BCAS3: variants seen among roughly 807,000 people sequenced by gnomAD.
BCAS3 encodes the protein BCAS3 microtubule associated cell migration factor, also known as BCAS4/BCAS3 fusion.
In BCAS3, 53 loss-of-function variants were observed where a neutral mutation model predicts 116.1. The observed-to-expected ratio is 0.46, with a 90% confidence interval of 0.37 to 0.57. The LOEUF (loss-of-function observed/expected upper bound fraction) is 0.57, where lower values mean the gene tolerates loss of function less well. Among genes scored for constraint, BCAS3 ranks in the 20% least tolerant of loss-of-function variants. BCAS3 has a pLI of 0.00. For synonymous variants in BCAS3, 391 were observed against 408.2 expected (o/e 0.96, Z 0.51); for missense variants, 917 against 1,165.4 (o/e 0.79, Z 3.10).
rs1341415363 is a variant in BCAS3 at position 61,258,776 on chromosome 17, C to T, written c.2426-109551C>T. 2.0e-5 allele frequency among the ~76,000 whole-genome samples: 3 copies of T among 152,254 alleles called. No homozygotes were observed. The highest frequency in any genetic ancestry group is 4.4e-5 in the Non-Finnish European group (3 of 68,030). Reference sequence around the variant, plus strand: ...AGTTGATTTGGGAAGCCAGGCATCACTCTGTGGAAGAACCACAGAACACTA... The same window carrying T: ...AGTTGATTTGGGAAGCCAGGCATCATTCTGTGGAAGAACCACAGAACACTA... On this transcript the variant is annotated intron_variant, in intron 22 of 23. Transcript: ENST00000407086. The surrounding 1 kb of genome is among the most constrained non-coding windows in gnomAD (Gnocchi z 4.7).
intron 22 of BCAS3, among the ~76,000 whole-genome samples, chr17:61,176,428 TA>T (rs1358320681): frequency 6.6e-6 from 1 of 150,990 alleles, no homozygotes; most frequent in Non-Finnish European, 1.5e-5. Context: ...TTCCTGATAG[TA>T]AAAGAAAAAA....
At chr17:60,991,271 T>G (rs1471717322) in intron 15 of BCAS3, among the ~76,000 whole-genome samples, 2 of 152,248 alleles carry the variant, frequency 1.3e-5, no homozygotes, top group African/African-American at 4.8e-5. Flanking sequence ...GTTATGTTGT[T>G]GCAGGTAGGT....
chr17:61,247,199 G>T (rs75801231), intron 22 of BCAS3, among the ~76,000 whole-genome samples: 2,428 of 152,162 alleles, frequency 0.016, 68 homozygotes, highest in African/African-American at 0.055. Flanking sequence ...ATGCAAATTT[G>T]ATAAAGATGA....
At chr17:61,114,698 A>C (rs1457007600) in intron 22 of BCAS3, among the ~76,000 whole-genome samples, 45 of 152,232 alleles carry the variant, frequency 3.0e-4, no homozygotes, top group East Asian at 2.1e-3. Context: ...CTATCCCCAT[A>C]AAGCTACCAA....
At chr17:61,067,738 A>ATATAT (rs1271397665) in intron 19 of BCAS3, among the ~76,000 whole-genome samples, 1,443 of 138,354 alleles carry the variant, frequency 0.01, 16 homozygotes, top group African/African-American at 0.042. Flanking sequence ...AAAAAAAAAA[A>ATATAT]AAATATATAT....
At chr17:61,176,085 G>C (rs2079113088) in intron 22 of BCAS3, among the ~76,000 whole-genome samples, 1 of 138,550 alleles carries the variant, frequency 7.2e-6, no homozygotes, top group Admixed American at 7.9e-5. Context: ...GCTGCAGTGA[G>C]CCATGATTGT....
chr17:60,741,279 G>A (rs1261680113), intron 5 of BCAS3, among the ~76,000 whole-genome samples: 19 of 152,298 alleles, frequency 1.2e-4, no homozygotes, highest in Non-Finnish European at 1.2e-4. Context: ...CTTCTGAGCT[G>A]CATGTGTTGG....
intron 16 of BCAS3, among the ~76,000 whole-genome samples, chr17:61,030,236 G>A (rs961215846): frequency 6.6e-6 from 1 of 151,940 alleles, no homozygotes; most frequent in African/African-American, 2.4e-5. Context: ...TCATGTTAGC[G>A]CCTTCCATGC....
chr17:61,166,745 A>G (rs1181490387), intron 22 of BCAS3, among the ~76,000 whole-genome samples: 1 of 151,894 alleles, frequency 6.6e-6, no homozygotes, highest in Non-Finnish European at 1.5e-5. Context: ...ACATCATCTC[A>G]CTCCGTCGCA....
At chr17:61,003,368 T>G (rs910295574) in intron 15 of BCAS3, among the ~76,000 whole-genome samples, 16 of 149,602 alleles carry the variant, frequency 1.1e-4, no homozygotes, top group African/African-American at 3.5e-4. Context: ...GCTCCTTTTA[T>G]TATGCCCTCC....
chr17:60,678,530 A>C (rs190700808), intron 1 of BCAS3, among the ~76,000 whole-genome samples: 1 of 152,152 alleles, frequency 6.6e-6, no homozygotes, highest in South Asian at 2.1e-4. Flanking sequence ...AGGGTCATGA[A>C]ACATTCTAGG....
chr17:60,710,519 C>T (rs2037742148), intron 5 of BCAS3, among the ~76,000 whole-genome samples: 1 of 151,040 alleles, frequency 6.6e-6, no homozygotes, highest in Non-Finnish European at 1.5e-5. Context: ...GCAAGCTCTG[C>T]CTCCCGGGTT....
At chr17:61,066,814 T>C (rs1390662848) in intron 19 of BCAS3, among the ~76,000 whole-genome samples, 5 of 152,130 alleles carry the variant, frequency 3.3e-5, no homozygotes. Flanking sequence ...CTAGGAATGG[T>C]AATAACTCAT....
At chr17:60,728,057 C>T (rs1387158517) in intron 5 of BCAS3, among the ~76,000 whole-genome samples, 1 of 152,140 alleles carries the variant, frequency 6.6e-6, no homozygotes, top group Non-Finnish European at 1.5e-5. Flanking sequence ...GATCTGCCCA[C>T]CTCGGCCTCC....
rs1383177608 is a variant in BCAS3 at position 60,902,627 on chromosome 17, G to A, written c.746G>A (p.Arg249Gln). 5 of 1,608,204 alleles carry A rather than the reference G, an allele frequency of 3.1e-6. No homozygotes were observed. The highest frequency in any genetic ancestry group is 1.7e-4 in the Middle Eastern group (1 of 6,058). The stretch of plus-strand genomic sequence containing the variant: ...TCTCTCTCTTTTTCTCAGTTGATTC[G>A]ATGTCATCAGTCCCGTGGTGGAGCC... The part of the protein sequence containing the change: ...WLAYAENKLI[R>Q]CHQSRGGACG... Residue 249 changes from arginine to glutamine, a missense_variant, in exon 11 of 24, where the codon CGA becomes CAA. Coordinates refer to ENST00000407086, the MANE Select transcript of BCAS3 (RefSeq NM_017679.5).
At chr17:60,900,412 T>G (rs1264867102) in intron 10 of BCAS3, among the ~76,000 whole-genome samples, 1 of 151,980 alleles carries the variant, frequency 6.6e-6, no homozygotes, top group Non-Finnish European at 1.5e-5. Context: ...TGTGGGCCGC[T>G]GGAATTCTCT....
rs939055435 is a variant in BCAS3, at chr17:60,868,764, A to G, written c.584+81A>G. The G allele has an allele frequency of 9.7e-6, 7 of 725,310 alleles. No individual in the cohort carries two copies. In the South Asian group the frequency reaches 1.6e-4, roughly 17 times the overall value. The allele number at this position is 725,310 out of a possible 1,614,324, so 44.9% of individuals were successfully genotyped here. ...ATGGAGAACTCTACCAGTTTCAATG[A>G]CTAACTTAGATTTATTTTTAAAAAT... On this transcript the variant is annotated intron_variant, in intron 8 of 23. Transcript: ENST00000407086.
chr17:61,035,131 G>A (rs1347035148), intron 17 of BCAS3, among the ~76,000 whole-genome samples: 3 of 152,106 alleles, frequency 2.0e-5, no homozygotes, highest in South Asian at 4.1e-4. Flanking sequence ...GAGAGGAAAA[G>A]CGTCATTGTC....
chr17:61,167,698 A>G (rs529923627), intron 22 of BCAS3, among the ~76,000 whole-genome samples: 38 of 152,220 alleles, frequency 2.5e-4, no homozygotes, highest in Non-Finnish European at 4.6e-4. Flanking sequence ...AGCTTTACGT[A>G]CATATGCTGT....
Sources: allele counts gnomAD v4.1 joint callset (sites outside exome capture counted in the v4.1 genomes callset), GRCh38; gene constraint gnomAD v4.1.1; non-coding constraint Gnocchi (gnomAD v3.1); transcripts MANE v1.5; gene names NCBI Gene and HGNC (gene_info 2026-07-23, HGNC 2026-07-21).